Variants in AGO3 observed in about 807,000 individuals in gnomAD.
AGO3 encodes argonaute RISC catalytic component 3, also known as protein argonaute-3.
A neutral mutation model predicts 105.5 loss-of-function variants in AGO3; 16 were observed. The ratio of observed to expected loss-of-function variants is 0.15; its 90% CI spans 0.10 to 0.23. The LOEUF (loss-of-function observed/expected upper bound fraction) is 0.23, where lower values mean the gene tolerates loss of function less well. Ranked by LOEUF, AGO3 falls within the 10% of genes least tolerant of loss-of-function variation. The pLI is 1.00. For missense variants in AGO3, 534 were observed against 1,088.0 expected (o/e 0.49, Z 7.16); for synonymous variants, 340 against 367.3 (o/e 0.93, Z 0.85).
chr1:36,041,061 A>ATTT (rs1642221653), intron 16 of AGO3, among the ~76,000 whole-genome samples: 1 of 148,162 alleles, frequency 6.7e-6, no homozygotes. Flanking sequence ...CAAGAGAGCA[A>ATTT]AACTCCATCT....
chr1:36,013,495 G>C, intron 9 of AGO3, 135 bp from the exon 10 acceptor site: 1 of 1,174,704 alleles, frequency 8.5e-7, no homozygotes, highest in South Asian at 1.5e-5. Context: ...CTGTTCTGTA[G>C]TTAGAGCACC....
In AGO3 at chr1:36,058,344, A is replaced by G. The variant is rs189109211; in HGVS notation, c.*2599A>G. On this transcript the variant is annotated 3_prime_UTR_variant, in exon 19 of 19. Transcript: ENST00000373191. ...TTTATTGATTACACTTTAAGGTATTAAAAAGTACTATAAAGCTATCAAAAC... is the reference window on the plus strand; with the variant it reads ...TTTATTGATTACACTTTAAGGTATTGAAAAGTACTATAAAGCTATCAAAAC... 2.2e-3 allele frequency: 331 copies of G among 152,324 alleles called. 3 individuals are homozygous for G. Among genetic ancestry groups the G allele is most frequent in the African/African-American group, 7.5e-3 (310 of 41,566 alleles). The allele number at this position is 152,324 out of a possible 1,614,324, so 9.4% of individuals were successfully genotyped here.
intron 2 of AGO3, among the ~76,000 whole-genome samples, chr1:35,949,464 TC>T (rs1427899391): frequency 6.6e-6 from 1 of 152,188 alleles, no homozygotes; most frequent in East Asian, 1.9e-4. Flanking sequence ...GTGGCTCAGT[TC>T]CTGTGCTTCA....
At chr1:35,947,264 A>G (rs188280571) in intron 2 of AGO3, among the ~76,000 whole-genome samples, 4 of 151,892 alleles carry the variant, frequency 2.6e-5, no homozygotes, top group African/African-American at 4.8e-5. Context: ...TTTTTTTAAC[A>G]TGTTATCAGA....
Position 36,004,430 on chromosome 1 carries a change from C to A in AGO3, c.748C>A (p.Pro250Thr). Reference sequence around the variant, plus strand: ...TCATAATATTGATGAGCAACCAAGACCTCTGACTGATTCTCATCGGGTAAA... The same window carrying A: ...TCATAATATTGATGAGCAACCAAGAACTCTGACTGATTCTCATCGGGTAAA... ...DIHNIDEQPR[P>T]LTDSHRVKFT... The change falls in exon 6 of 19, where the codon CCT (proline) becomes ACT (threonine). Residue 250 changes from proline to threonine, a missense_variant. Physicochemically the swap from Pro to Thr is conservative, Grantham distance 38 (BLOSUM62 -1). Coordinates refer to ENST00000373191, the MANE Select transcript of AGO3 (RefSeq NM_024852.4). 1 of 1,606,362 alleles carries A rather than the reference C, an allele frequency of 6.2e-7. No individual in the cohort carries two copies. Among genetic ancestry groups the A allele is most frequent in the South Asian group, 1.1e-5 (1 of 89,840 alleles).
rs1290056875 is a variant in AGO3 at position 36,062,493 on chromosome 1, G to A, written c.*6748G>A. On this transcript the variant is annotated 3_prime_UTR_variant, in exon 19 of 19. Transcript: ENST00000373191. ...GATTTTTTATTTTTTCTAGGATGCA[G>A]GAACTATGAAAAATGATGACAAGGC... The A allele has an allele frequency of 6.6e-6, 1 of 152,052 alleles. No homozygotes were observed. The highest frequency in any genetic ancestry group is 1.5e-5 in the Non-Finnish European group (1 of 67,996). 9.4% of individuals were successfully genotyped at this position (152,052 alleles called of 1,614,324 possible). A position where few individuals can be genotyped will look rare whatever the true frequency, so the allele number is the denominator to read the frequency against.
intron 11 of AGO3, among the ~76,000 whole-genome samples, chr1:36,020,021 C>T (rs1449572404): frequency 6.6e-6 from 1 of 152,220 alleles, no homozygotes; most frequent in Non-Finnish European, 1.5e-5. Flanking sequence ...ATCAGCCCAC[C>T]TTGGCCTCCC....
chr1:36,041,235 CTTT>C, intron 16 of AGO3, among the ~76,000 whole-genome samples: 1 of 86,420 alleles, frequency 1.2e-5, no homozygotes, highest in Admixed American at 1.5e-4. Flanking sequence ...AATATGTTTT[CTTT>C]TTTTTTTTTT....
At chr1:35,989,017 C>T (rs753731825) in intron 5 of AGO3, among the ~76,000 whole-genome samples, 1 of 152,160 alleles carries the variant, frequency 6.6e-6, no homozygotes, top group African/African-American at 2.4e-5. Context: ...ATGCACTGAA[C>T]TAAACAGCCT....
chr1:35,934,345 T>C (rs1369306993), intron 1 of AGO3, among the ~76,000 whole-genome samples: 1 of 152,224 alleles, frequency 6.6e-6, no homozygotes, highest in Non-Finnish European at 1.5e-5. Context: ...AATTGTTTGA[T>C]GTTTGGTGGA....
chr1:35,938,806 C>T (rs1171182645), intron 1 of AGO3, among the ~76,000 whole-genome samples: 1 of 151,882 alleles, frequency 6.6e-6, no homozygotes, highest in Non-Finnish European at 1.5e-5. Context: ...TAGTAATTGG[C>T]TATAGTATAT....
At position 36,027,336 on chromosome 1, in the gene AGO3, T is replaced by G; in HGVS notation, c.1591+38T>G. On this transcript the variant is annotated intron_variant, in intron 12 of 18. Coordinates refer to ENST00000373191, the MANE Select transcript of AGO3 (RefSeq NM_024852.4). This position sits in a 1 kb window ranked among gnomAD's most constrained non-coding sequence, Gnocchi z 4.0. Reference sequence around the variant, plus strand: ...TAAGACTGCATTTTTCCTCAAGTACTTGATGTCCTTTTAGGATTATACTGA... The same window carrying G: ...TAAGACTGCATTTTTCCTCAAGTACGTGATGTCCTTTTAGGATTATACTGA... 6.5e-7 allele frequency: 1 copy of G among 1,537,382 alleles called. No individual in the cohort carries two copies. The highest frequency in any genetic ancestry group is 1.2e-5 in the South Asian group (1 of 81,070).
chr1:36,006,998 G>C (rs1249617487), intron 6 of AGO3, among the ~76,000 whole-genome samples: 1 of 152,172 alleles, frequency 6.6e-6, no homozygotes, highest in Non-Finnish European at 1.5e-5. Flanking sequence ...TTTTGGGCTG[G>C]ATAATTCTTT....
chr1:35,933,632 C>A (rs1179389887), intron 1 of AGO3, among the ~76,000 whole-genome samples: 1 of 118,096 alleles, frequency 8.5e-6, no homozygotes, highest in Admixed American at 1.1e-4. Context: ...CGGAGCAAGA[C>A]CCTGTCTCAA....
chr1:36,014,599 G>A lies in AGO3; in HGVS notation c.1406+551G>A, dbSNP rs189438529. On this transcript the variant is annotated intron_variant, in intron 11 of 18. Transcript: ENST00000373191. Reference sequence around the variant, plus strand: ...ATCCTGGCTAACATGGTGAAACCCCGTCTGTACTAAAAATACAAAAAATTA... The same window carrying A: ...ATCCTGGCTAACATGGTGAAACCCCATCTGTACTAAAAATACAAAAAATTA... Among the ~76,000 whole-genome samples, 15 of 151,588 alleles carry A rather than the reference G, an allele frequency of 9.9e-5. No homozygotes were observed. In the East Asian group the frequency reaches 1.8e-3, roughly 18 times the overall value.
chr1:36,014,819 T>C (rs1343912420), intron 11 of AGO3, among the ~76,000 whole-genome samples: 1 of 151,838 alleles, frequency 6.6e-6, no homozygotes, highest in Admixed American at 6.6e-5. Flanking sequence ...AAAAAATTTG[T>C]TAGTCATAGT....
intron 17 of AGO3, 41 bp downstream of exon 17, chr1:36,043,589 T>C (rs1642338673): frequency 1.4e-6 from 2 of 1,456,746 alleles, no homozygotes; most frequent in East Asian, 4.6e-5. Context: ...ATTCAAGAAC[T>C]GTCATTCTTA....
chr1:36,012,720 T>C (rs1016721984), intron 9 of AGO3, among the ~76,000 whole-genome samples: 3 of 152,130 alleles, frequency 2.0e-5, no homozygotes, highest in Admixed American at 6.5e-5. Flanking sequence ...TCTTTTTAGG[T>C]GAGATATTTC....
In AGO3 at chr1:36,069,419, T is replaced by A. The variant is rs1376219434; in HGVS notation, c.*13674T>A. 6.6e-6 allele frequency: 1 copy of A among 152,212 alleles called. No individual in the cohort carries two copies. Among genetic ancestry groups the A allele is most frequent in the African/African-American group, 2.4e-5 (1 of 41,456 alleles). The allele number at this position is 152,212 out of a possible 1,614,324, so 9.4% of individuals were successfully genotyped here. On this transcript the variant is annotated 3_prime_UTR_variant, in exon 19 of 19. Coordinates refer to ENST00000373191, the MANE Select transcript of AGO3 (RefSeq NM_024852.4). Reference sequence around the variant, plus strand: ...AATTGTTGTAAGAATAAGATAATGTTTGCGGAAGCATTTGAGTTCTCCAAA... The same window carrying A: ...AATTGTTGTAAGAATAAGATAATGTATGCGGAAGCATTTGAGTTCTCCAAA...
Sources: gnomAD v4.1 joint callset for allele counts (sites outside exome capture counted in the v4.1 genomes callset) on GRCh38, gnomAD v4.1.1 for gene constraint, Gnocchi (gnomAD v3.1) non-coding constraint, MANE v1.5 for transcripts, NCBI Gene and HGNC (gene_info 2026-07-23, HGNC 2026-07-21) for gene names.